The following MYO9A variants were observed in gnomAD, a reference collection of about 807,000 sequenced individuals.
The protein encoded by MYO9A is myosin IXA.
Under a neutral mutation model 293.3 loss-of-function variants are expected in MYO9A, and 103 were observed. The observed-to-expected ratio is 0.35, with a 90% confidence interval of 0.30 to 0.41. The LOEUF (loss-of-function observed/expected upper bound fraction) is 0.41, where lower values mean the gene tolerates loss of function less well. Among genes scored for constraint, MYO9A ranks in the 10% least tolerant of loss-of-function variants. The pLI, the probability that MYO9A is intolerant of heterozygous loss-of-function variation, is 1.00. For missense variants in MYO9A, 2,685 were observed against 3,033.0 expected (o/e 0.89, Z 2.69); for synonymous variants, 1,001 against 1,035.7 (o/e 0.97, Z 0.64).
At position 71,878,163 on chromosome 15, in the gene MYO9A, C is replaced by A. The variant is rs371846640; in HGVS notation, c.5808G>T (p.Thr1936=). 1 of 1,612,244 alleles carries A rather than the reference C, an allele frequency of 6.2e-7. No individual in the cohort carries two copies. Among genetic ancestry groups the A allele is most frequent in the African/African-American group, 1.3e-5 (1 of 74,882 alleles). The change falls in exon 31 of 42, where the codon ACG becomes ACT. Residue 1936 remains threonine (T), a synonymous_variant. Coordinates refer to ENST00000356056, the MANE Select transcript of MYO9A (RefSeq NM_006901.4). ...GTGAATCACGCTGCTCAAGCCTCAT[C>A]GTCTTTTCCAGAATCTGTTCAAATA... ...YALFEQILEK[T]MRLEQRDSLG...
chr15:71,884,205 C>T (rs1256867054), intron 27 of MYO9A, among the ~76,000 whole-genome samples: 3 of 152,022 alleles, frequency 2.0e-5, no homozygotes, highest in African/African-American at 7.2e-5. Context: ...ATTAGTTTAC[C>T]TTTGTTTGTC....
At chr15:72,024,823 A>C (rs1298656368) in intron 4 of MYO9A, among the ~76,000 whole-genome samples, 1 of 152,178 alleles carries the variant, frequency 6.6e-6, no homozygotes, top group Admixed American at 6.5e-5. Context: ...TAAGAATATA[A>C]AAAATAATAA....
chr15:71,879,869 A>G, intron 29 of MYO9A, 32 bp from the exon 30 acceptor site: 1 of 1,382,820 alleles, frequency 7.2e-7, no homozygotes, highest in Non-Finnish European at 1.0e-6. Flanking sequence ...TTAGTACACA[A>G]TCAACTAATT....
In MYO9A at chr15:71,826,605, A is replaced by T. The variant is rs1332762806; in HGVS notation, c.7622T>A (p.Phe2541Tyr). The change falls in exon 42 of 42, where the codon TTT (phenylalanine) becomes TAT (tyrosine). Residue 2541 changes from phenylalanine to tyrosine, a missense_variant. By Grantham distance (22) the Phe-to-Tyr change is conservative (BLOSUM62 3). Transcript: ENST00000356056. ...TCAGACCATAAATTCATTATTTCCAAAGAGTGCTAGCTGTTGGTTGGAGGT... is the reference window on the plus strand; with the variant it reads ...TCAGACCATAAATTCATTATTTCCATAGAGTGCTAGCTGTTGGTTGGAGGT... ...DCTSNQQLAL[F>Y]GNNEFMV 6.3e-7 allele frequency: 1 copy of T among 1,598,004 alleles called. No homozygotes were observed.
At chr15:72,002,339 C>G (rs1208340829) in intron 8 of MYO9A, among the ~76,000 whole-genome samples, 1 of 151,860 alleles carries the variant, frequency 6.6e-6, no homozygotes, top group African/African-American at 2.4e-5. Flanking sequence ...CCTCCGCCTC[C>G]CAGGTTCAAG....
chr15:71,988,080 C>T (rs1004597765), intron 11 of MYO9A, among the ~76,000 whole-genome samples: 9 of 152,138 alleles, frequency 5.9e-5, no homozygotes, highest in African/African-American at 1.9e-4. Flanking sequence ...TTTCAGTTTA[C>T]AATAAAGAAT....
intron 1 of MYO9A, among the ~76,000 whole-genome samples, chr15:72,049,426 C>T (rs746579961): frequency 3.3e-5 from 5 of 152,156 alleles, no homozygotes; most frequent in African/African-American, 7.2e-5. Flanking sequence ...GCTTCATATA[C>T]GCTATGGCAT....
intron 25 of MYO9A, among the ~76,000 whole-genome samples, chr15:71,896,536 T>C (rs2057332984): frequency 6.6e-6 from 1 of 152,130 alleles, no homozygotes; most frequent in Non-Finnish European, 1.5e-5. Flanking sequence ...TCCCAGCAAT[T>C]TGGGGGGCAG....
chr15:71,904,910 TA>T lies in MYO9A; in HGVS notation c.2766+15del, dbSNP rs1251398098. 1 of 1,583,276 alleles carries T rather than the reference TA, an allele frequency of 6.3e-7. No homozygotes were observed. The highest frequency in any genetic ancestry group is 8.6e-7 in the Non-Finnish European group (1 of 1,157,342). ...GTAAGCTGAGATATGTGCTCTCATT[TA>T]TAGGACATTTTTACCTTTTCAGCAT... On this transcript the variant is annotated intron_variant, in intron 20 of 41. Transcript: ENST00000356056.
chr15:71,945,760 T>C (rs948746380), intron 15 of MYO9A, among the ~76,000 whole-genome samples: 4 of 152,082 alleles, frequency 2.6e-5, no homozygotes, highest in Non-Finnish European at 4.4e-5. Flanking sequence ...CTGTGACCTT[T>C]AGCAAATGTC....
rs1171967957 is a variant in MYO9A at position 71,825,955 on chromosome 15, C to G, written c.*625G>C. 1 of 150,512 alleles carries G rather than the reference C, an allele frequency of 6.6e-6. No homozygotes were observed. The highest frequency in any genetic ancestry group is 1.5e-5 in the Non-Finnish European group (1 of 67,876). 9.3% of individuals were successfully genotyped at this position (150,512 alleles called of 1,614,324 possible). A position where few individuals can be genotyped will look rare whatever the true frequency, so the allele number is the denominator to read the frequency against. On this transcript the variant is annotated 3_prime_UTR_variant, in exon 42 of 42. Coordinates refer to ENST00000356056, the MANE Select transcript of MYO9A (RefSeq NM_006901.4). The stretch of plus-strand genomic sequence containing the variant: ...ACTGTATAACAAGATATCTGAGACA[C>G]GCTCTGATGGCTTAATGGAAACAAT...
At chr15:72,104,993 TCAGGAAACAGTGAAATAAAG>T (rs1276441992) in intron 1 of MYO9A, among the ~76,000 whole-genome samples, 4 of 151,552 alleles carry the variant, frequency 2.6e-5, no homozygotes, top group African/African-American at 4.9e-5. Flanking sequence ...ATTCAAGGAG[TCAGGAAACAGTGAAATAAAG>T]CAGGAAACAG....
At chr15:71,883,468 C>A in intron 28 of MYO9A, 126 bp downstream of exon 28, 1 of 986,284 alleles carries the variant, frequency 1.0e-6, no homozygotes, top group Non-Finnish European at 1.4e-6. Flanking sequence ...TTTAACAATG[C>A]TGGTCCTATC....
chr15:72,105,230 T>G (rs1380796843), intron 1 of MYO9A, among the ~76,000 whole-genome samples: 1 of 152,170 alleles, frequency 6.6e-6, no homozygotes, highest in East Asian at 1.9e-4. Flanking sequence ...TTTTCTCTTT[T>G]AAGAGACAGG....
In MYO9A at chr15:71,905,119, A is replaced by G. The variant is rs894143917; in HGVS notation, c.2686-113T>C. The G allele has an allele frequency of 1.5e-5, 12 of 822,228 alleles. 1 individual carries two copies. The East Asian group carries it at 2.5e-4, about 17-fold the overall frequency. 50.9% of individuals were successfully genotyped at this position (822,228 alleles called of 1,614,324 possible). ...ACATTCAAAAAGTAGAGGTACACAT[A>G]GAAAGAGGTTTTTGAAAAGCACATT... On this transcript the variant is annotated intron_variant, in intron 19 of 41. Coordinates refer to ENST00000356056, the MANE Select transcript of MYO9A (RefSeq NM_006901.4).
chr15:72,000,268 C>G (rs2076826426), intron 8 of MYO9A, among the ~76,000 whole-genome samples: 2 of 152,178 alleles, frequency 1.3e-5, no homozygotes, highest in Admixed American at 1.3e-4. Context: ...GAGGCAAGGA[C>G]TAAAAAGTGA....
intron 18 of MYO9A, among the ~76,000 whole-genome samples, chr15:71,931,847 CCAGT>C (rs1567286840): frequency 6.6e-6 from 1 of 152,176 alleles, no homozygotes. Flanking sequence ...AAGAACCTAA[CCAGT>C]CAGTCTGGCC....
chr15:71,922,263 G>C (rs1489480434), intron 18 of MYO9A, among the ~76,000 whole-genome samples: 3 of 152,206 alleles, frequency 2.0e-5, no homozygotes, highest in Non-Finnish European at 1.5e-5. Flanking sequence ...ACAGGCGTGA[G>C]CCACCGCACC....
At chr15:71,832,387 A>G (rs1567178050) in intron 39 of MYO9A, among the ~76,000 whole-genome samples, 1 of 152,212 alleles carries the variant, frequency 6.6e-6, no homozygotes, top group Non-Finnish European at 1.5e-5. Context: ...AGAAATAAAA[A>G]GAAGTCTATA....
Sources: allele counts gnomAD v4.1 joint callset (sites outside exome capture counted in the v4.1 genomes callset), GRCh38; gene constraint gnomAD v4.1.1; transcripts MANE v1.5; gene names NCBI Gene and HGNC (gene_info 2026-07-23, HGNC 2026-07-21).